ENOX1: variants seen among roughly 807,000 people sequenced by gnomAD.
ENOX1 encodes ecto-NOX disulfide-thiol exchanger 1.
ENOX1 carries 42 observed loss-of-function variants against 82.5 expected under a neutral mutation model. The ratio of observed to expected loss-of-function variants is 0.51; its 90% CI spans 0.40 to 0.66. ENOX1 has a LOEUF of 0.66. Ranked by LOEUF, ENOX1 falls within the 30% of genes least tolerant of loss-of-function variation. ENOX1 has a pLI of 0.00. For synonymous variants in ENOX1, 271 were observed against 282.2 expected, an observed-to-expected ratio of 0.96 and a Z score of 0.40; for missense variants, 608 against 811.6, an observed-to-expected ratio of 0.75 and a Z score of 3.05.
intron 1 of ENOX1, among the ~76,000 whole-genome samples, chr13:43,681,686 AAC>A (rs3044219): frequency 0.18 from 24,669 of 134,964 alleles, 2,157 homozygotes; most frequent in Middle Eastern, 0.27. Flanking sequence ...ATAATGCATA[AAC>A]ACACACACAC....
At chr13:43,569,126 G>A (rs538977613) in intron 2 of ENOX1, among the ~76,000 whole-genome samples, 1 of 152,252 alleles carries the variant, frequency 6.6e-6, no homozygotes, top group South Asian at 2.1e-4. Flanking sequence ...GCAGCCATCC[G>A]CTCACTTACC....
At chr13:43,736,378 C>G (rs1477965297) in intron 1 of ENOX1, among the ~76,000 whole-genome samples, 1 of 152,092 alleles carries the variant, frequency 6.6e-6, no homozygotes, top group Admixed American at 6.5e-5. Context: ...ATTATATAAG[C>G]CTGAACAGTT....
intron 10 of ENOX1, among the ~76,000 whole-genome samples, chr13:43,324,104 A>C (rs2047968681): frequency 6.6e-6 from 1 of 152,204 alleles, no homozygotes; most frequent in Non-Finnish European, 1.5e-5. Flanking sequence ...TCCATCTTAA[A>C]TAACACCATC....
intron 3 of ENOX1, chr13:43,458,973 T>C (rs1261876875): frequency 3.3e-5 from 5 of 152,224 alleles, no homozygotes; most frequent in African/African-American, 1.2e-4. Context: ...GATGAGTTGC[T>C]CTGCGACTTC....
chr13:43,728,568 A>G (rs1299254349), intron 1 of ENOX1, among the ~76,000 whole-genome samples: 2 of 152,170 alleles, frequency 1.3e-5, no homozygotes, highest in Non-Finnish European at 2.9e-5. Context: ...ACTGAGACCG[A>G]GGGCTCTCTG....
At chr13:43,725,752 G>C (rs2088900368) in intron 1 of ENOX1, among the ~76,000 whole-genome samples, 1 of 151,170 alleles carries the variant, frequency 6.6e-6, no homozygotes, top group Admixed American at 6.6e-5. Flanking sequence ...GATCACTTGA[G>C]CTCAGGAGTT....
intron 2 of ENOX1, among the ~76,000 whole-genome samples, chr13:43,607,820 T>C (rs751933555): frequency 4.1e-4 from 62 of 152,132 alleles, no homozygotes; most frequent in Non-Finnish European, 7.9e-4. Context: ...TCTTCAGAGG[T>C]ATGTGTTAGG....
At chr13:43,619,040 A>G (rs4406959) in intron 2 of ENOX1, among the ~76,000 whole-genome samples, 142,489 of 148,366 alleles carry the variant, frequency 0.96, 68,651 homozygotes, top group East Asian at 1. Context: ...TTGATTTTCT[A>G]GCCACTGTTG....
At chr13:43,247,858 TATATATATATA>T (rs1566329253) in intron 14 of ENOX1, among the ~76,000 whole-genome samples, 225 of 3,836 alleles carry the variant, frequency 0.059, 26 homozygotes, top group Non-Finnish European at 0.079. Flanking sequence ...TATATATATA[TATATATATATA>T]TATATATATA....
At chr13:43,527,624 G>A (rs907749050) in intron 2 of ENOX1, among the ~76,000 whole-genome samples, 4 of 151,960 alleles carry the variant, frequency 2.6e-5, no homozygotes, top group Admixed American at 6.6e-5. Flanking sequence ...TTTTGGTTTC[G>A]TCACTGAAAC....
At chr13:43,772,313 C>A (rs1951680832) in intron 1 of ENOX1, among the ~76,000 whole-genome samples, 1 of 152,138 alleles carries the variant, frequency 6.6e-6, no homozygotes, top group South Asian at 2.1e-4. Context: ...ATTGTCTATA[C>A]TACATGTTGG....
intron 3 of ENOX1, 59 bp downstream of exon 3, chr13:43,483,950 A>T (rs1373023498): frequency 5.3e-6 from 5 of 936,652 alleles, no homozygotes; most frequent in Admixed American, 1.2e-4. Flanking sequence ...ATTTTCCATT[A>T]AAAAATATCC....
intron 8 of ENOX1, among the ~76,000 whole-genome samples, chr13:43,350,173 T>C (rs2049679857): frequency 6.6e-6 from 1 of 152,240 alleles, no homozygotes; most frequent in African/African-American, 2.4e-5. Context: ...ATGTAAATCT[T>C]TATAAAGCGA....
At chr13:43,373,326 A>T (rs1040157790) in intron 5 of ENOX1, among the ~76,000 whole-genome samples, 1 of 152,174 alleles carries the variant, frequency 6.6e-6, no homozygotes, top group Non-Finnish European at 1.5e-5. Flanking sequence ...TCTCCAAGGG[A>T]AATCAGAAAC....
chr13:43,594,980 G>A (rs1259994214), intron 2 of ENOX1, among the ~76,000 whole-genome samples: 1 of 151,852 alleles, frequency 6.6e-6, no homozygotes, highest in African/African-American at 2.4e-5. Context: ...GCGCTAAGAA[G>A]GTTGTCAGAA....
At chr13:43,621,146 G>T (rs945267289) in intron 2 of ENOX1, among the ~76,000 whole-genome samples, 1 of 152,128 alleles carries the variant, frequency 6.6e-6, no homozygotes, top group East Asian at 1.9e-4. Context: ...TATGTGCGAG[G>T]TGAGTCTCCT....
At chr13:43,592,573 T>G (rs2081291984) in intron 2 of ENOX1, among the ~76,000 whole-genome samples, 1 of 152,216 alleles carries the variant, frequency 6.6e-6, no homozygotes, top group East Asian at 1.9e-4. Flanking sequence ...TTAGTTTGGT[T>G]GGATTTTCAA....
At chr13:43,215,416 C>T (rs776731070) in intron 16 of ENOX1, among the ~76,000 whole-genome samples, 5 of 152,234 alleles carry the variant, frequency 3.3e-5, no homozygotes, top group Non-Finnish European at 7.3e-5. Context: ...CCAGGTCAAC[C>T]GACAAAAGCC....
intron 1 of ENOX1, among the ~76,000 whole-genome samples, chr13:43,706,918 A>G (rs1315746778): frequency 6.6e-6 from 1 of 152,102 alleles, no homozygotes; most frequent in African/African-American, 2.4e-5. Flanking sequence ...ATATATATAT[A>G]TGGCATAAAC....
Sources: gnomAD v4.1 joint callset for allele counts (sites outside exome capture counted in the v4.1 genomes callset) on GRCh38, gnomAD v4.1.1 for gene constraint, MANE v1.5 for transcripts, NCBI Gene and HGNC (gene_info 2026-07-23, HGNC 2026-07-21) for gene names.